Variants in CACNG3 observed in about 807,000 individuals in gnomAD.
CACNG3 encodes the protein voltage-dependent calcium channel gamma-3 subunit.
A neutral mutation model predicts 28.5 loss-of-function variants in CACNG3; 3 were observed. The ratio of observed to expected loss-of-function variants is 0.11; its 90% CI spans 0.05 to 0.27. CACNG3 has a LOEUF of 0.27. Ranked by LOEUF, CACNG3 falls within the 10% of genes least tolerant of loss-of-function variation. The pLI, the probability that CACNG3 is intolerant of heterozygous loss-of-function variation, is 1.00. For missense variants in CACNG3, 236 were observed against 414.4 expected (o/e 0.57, Z 3.74); for synonymous variants, 174 against 162.2 (o/e 1.07, Z -0.55).
At chr16:24,271,437 G>C (rs1352397951) in intron 1 of CACNG3, among the ~76,000 whole-genome samples, 2 of 152,042 alleles carry the variant, frequency 1.3e-5, no homozygotes, top group Non-Finnish European at 2.9e-5. Flanking sequence ...ACCAAATCTT[G>C]CAAAGCTCCT....
intron 1 of CACNG3, among the ~76,000 whole-genome samples, chr16:24,286,594 G>T (rs1173204784): frequency 6.6e-6 from 1 of 152,152 alleles, no homozygotes; most frequent in African/African-American, 2.4e-5. Flanking sequence ...ACTGCTCTGA[G>T]AACGCTAAAA....
chr16:24,343,613 C>T (rs1254551611), intron 1 of CACNG3, among the ~76,000 whole-genome samples: 3 of 152,082 alleles, frequency 2.0e-5, no homozygotes, highest in East Asian at 1.9e-4. Flanking sequence ...GATCATGAAG[C>T]GACCAGGCAA....
chr16:24,276,370 T>TA lies in CACNG3; in HGVS notation c.211+19406dup, dbSNP rs559392893. Among the ~76,000 whole-genome samples the TA allele has an allele frequency of 2.5e-4, 38 of 152,336 alleles. 1 individual carries two copies. The South Asian group carries it at 7.9e-3, about 32-fold the overall frequency. ...TCTGATATAGGAAATATTAAATAGA[T>TA]ACAACCCACATAAACAAAAGTTCAA... On this transcript the variant is annotated intron_variant, in intron 1 of 3. Coordinates refer to ENST00000005284, the MANE Select transcript of CACNG3 (RefSeq NM_006539.4).
rs541451458 is a variant in CACNG3, at chr16:24,356,134, T to C, written c.436+1161T>C. On this transcript the variant is annotated intron_variant, in intron 3 of 3. Coordinates refer to ENST00000005284, the MANE Select transcript of CACNG3 (RefSeq NM_006539.4). ...CCTACCCCACTCCTCTTGGGGTGGA[T>C]CAGTGCCATTTGGATGAAATGCTTT... Among the ~76,000 whole-genome samples the C allele has an allele frequency of 2.9e-4, 44 of 152,222 alleles. 1 individual carries two copies. Among genetic ancestry groups the C allele is most frequent in the African/African-American group, 9.9e-4 (41 of 41,538 alleles).
At chr16:24,268,457 G>C (rs1454318371) in intron 1 of CACNG3, among the ~76,000 whole-genome samples, 1 of 152,186 alleles carries the variant, frequency 6.6e-6, no homozygotes, top group Non-Finnish European at 1.5e-5. Flanking sequence ...CTGTGTCAAG[G>C]AGAGCTCAGC....
At chr16:24,325,827 T>G (rs1899533438) in intron 1 of CACNG3, among the ~76,000 whole-genome samples, 1 of 152,254 alleles carries the variant, frequency 6.6e-6, no homozygotes. Flanking sequence ...TAGGTGCTGC[T>G]GTTCCAAACA....
chr16:24,326,014 A>G (rs1899536668), intron 1 of CACNG3, among the ~76,000 whole-genome samples: 1 of 152,242 alleles, frequency 6.6e-6, no homozygotes, highest in African/African-American at 2.4e-5. Context: ...TCAGATGGTC[A>G]ACACCTCTCA....
chr16:24,305,794 C>G (rs372549616), intron 1 of CACNG3, among the ~76,000 whole-genome samples: 63 of 152,056 alleles, frequency 4.1e-4, no homozygotes, highest in African/African-American at 1.4e-3. Context: ...CACATGTATC[C>G]CAGAACTTAA....
rs1405533567 is a variant in CACNG3, at chr16:24,347,598, G to A, written c.295+781G>A. On this transcript the variant is annotated intron_variant, in intron 2 of 3. Transcript: ENST00000005284. Reference sequence around the variant, plus strand: ...GTGAGGTCCCAAGGAGCAAGACCTAGGAGAATAAATACAAACCCAAGTTCA... The same window carrying A: ...GTGAGGTCCCAAGGAGCAAGACCTAAGAGAATAAATACAAACCCAAGTTCA... 2.6e-5 allele frequency among the ~76,000 whole-genome samples: 4 copies of A among 152,308 alleles called. No individual in the cohort carries two copies. The East Asian group carries it at 7.7e-4, about 29-fold the overall frequency.
intron 1 of CACNG3, among the ~76,000 whole-genome samples, chr16:24,340,428 C>G (rs929891514): frequency 6.6e-6 from 1 of 151,992 alleles, no homozygotes; most frequent in African/African-American, 2.4e-5. Flanking sequence ...TTTAGTGTAC[C>G]TTTTCCAAAA....
intron 1 of CACNG3, among the ~76,000 whole-genome samples, chr16:24,342,398 C>T (rs1415116530): frequency 2.6e-5 from 4 of 152,318 alleles, no homozygotes; most frequent in Non-Finnish European, 5.9e-5. Context: ...CAGTCTGCAA[C>T]CCAGATTTGC....
At chr16:24,314,849 G>A (rs987116021) in intron 1 of CACNG3, among the ~76,000 whole-genome samples, 1 of 151,482 alleles carries the variant, frequency 6.6e-6, no homozygotes, top group Non-Finnish European at 1.5e-5. Flanking sequence ...GGTGACAGGA[G>A]GATGGAAAAT....
intron 3 of CACNG3, among the ~76,000 whole-genome samples, chr16:24,359,317 C>T (rs1376872589): frequency 6.6e-6 from 1 of 152,030 alleles, no homozygotes; most frequent in East Asian, 1.9e-4. Context: ...ATATGTCTTC[C>T]CTACTCATCT....
At chr16:24,263,767 C>T (rs1444581063) in intron 1 of CACNG3, among the ~76,000 whole-genome samples, 5 of 152,210 alleles carry the variant, frequency 3.3e-5, no homozygotes, top group Admixed American at 1.3e-4. Context: ...TCCTTCATTT[C>T]TTCTTACCTC....
intron 1 of CACNG3, among the ~76,000 whole-genome samples, chr16:24,315,544 T>C (rs535846555): frequency 4.0e-5 from 6 of 151,724 alleles, no homozygotes; most frequent in African/African-American, 1.4e-4. Flanking sequence ...TTTTTCCTTT[T>C]TTTCTTTTCT....
intron 1 of CACNG3, among the ~76,000 whole-genome samples, chr16:24,302,840 A>G (rs1899132022): frequency 6.6e-6 from 1 of 151,990 alleles, no homozygotes; most frequent in Admixed American, 6.6e-5. Context: ...TCGTATTTTC[A>G]GTAGATGCGG....
In CACNG3 at chr16:24,361,635, C is replaced by G. The variant is rs192667852; in HGVS notation, c.720C>G (p.Thr240=). ...GGAGGCGGTCAAGTTCTCGCTCCAC[C>G]GAGCCCAGATCCCGAGACCTGTCCC... is the stretch of plus-strand genomic sequence containing the variant. The part of the protein sequence containing the change: ...RFRRRSSSRS[T]EPRSRDLSPI... Residue 240 remains threonine, a synonymous_variant, in exon 4 of 4, where the codon ACC becomes ACG. Transcript: ENST00000005284. The surrounding 1 kb of genome is among the most constrained non-coding windows in gnomAD (Gnocchi z 6.8). 1 of 1,613,852 alleles carries G rather than the reference C, an allele frequency of 6.2e-7. No homozygotes were observed. Among genetic ancestry groups the G allele is most frequent in the Non-Finnish European group, 8.5e-7 (1 of 1,179,884 alleles).
rs186596756 is a variant in CACNG3, at chr16:24,296,733, C to A, written c.211+39768C>A. Among the ~76,000 whole-genome samples the A allele has an allele frequency of 3.7e-4, 57 of 152,302 alleles. No individual in the cohort carries two copies. In the Middle Eastern group the frequency reaches 0.01, roughly 27 times the overall value. On this transcript the variant is annotated intron_variant, in intron 1 of 3. Transcript: ENST00000005284. The stretch of plus-strand genomic sequence containing the variant: ...TTATAAAACTAGGGTTCTCAAAACA[C>A]CAGCAAAGGGAGAAGAGAGGGGCTG...
At chr16:24,298,443 C>T (rs1476349696) in intron 1 of CACNG3, among the ~76,000 whole-genome samples, 1 of 152,176 alleles carries the variant, frequency 6.6e-6, no homozygotes, top group African/African-American at 2.4e-5. Context: ...ACACACTCAT[C>T]ATAGTTTTCT....
Sources: gnomAD v4.1 joint callset for allele counts (sites outside exome capture counted in the v4.1 genomes callset) on GRCh38, gnomAD v4.1.1 for gene constraint, Gnocchi (gnomAD v3.1) non-coding constraint, MANE v1.5 for transcripts, NCBI Gene and HGNC (gene_info 2026-07-23, HGNC 2026-07-21) for gene names.